The following PDE4D variants were observed in gnomAD, a reference collection of about 807,000 sequenced individuals.
PDE4D encodes the protein 3',5'-cyclic-AMP phosphodiesterase 4D.
In PDE4D, 24 loss-of-function variants were observed where a neutral mutation model predicts 87.4. That is an observed-to-expected ratio of 0.27 (90% CI 0.20 to 0.39). PDE4D has a LOEUF of 0.39. Ranked by LOEUF, PDE4D falls within the 10% of genes least tolerant of loss-of-function variation. PDE4D has a pLI of 1.00. For synonymous variants in PDE4D, 384 were observed against 383.2 expected (o/e 1.00, Z -0.02); for missense variants, 714 against 1,041.0 (o/e 0.69, Z 4.32).
intron 1 of PDE4D, among the ~76,000 whole-genome samples, chr5:59,326,337 C>T (rs1230604373): frequency 3.3e-5 from 5 of 151,890 alleles, no homozygotes; most frequent in Non-Finnish European, 7.4e-5. Flanking sequence ...TACAATCAAA[C>T]TTAAAAATAT....
At chr5:60,310,435 T>A (rs1754910066) in intron 1 of PDE4D, among the ~76,000 whole-genome samples, 1 of 152,090 alleles carries the variant, frequency 6.6e-6, no homozygotes, top group Non-Finnish European at 1.5e-5. Context: ...GAAGGGAAGG[T>A]TTAAAAAATG....
intron 1 of PDE4D, among the ~76,000 whole-genome samples, chr5:59,269,768 T>A (rs1345734757): frequency 1.3e-5 from 2 of 152,060 alleles, no homozygotes; most frequent in Non-Finnish European, 2.9e-5. Context: ...TCTATGTTTT[T>A]AAAAATTATA....
intron 13 of PDE4D, among the ~76,000 whole-genome samples, 171 bp from the exon 14 acceptor site, chr5:58,976,010 T>C (rs1436986192): frequency 6.6e-6 from 1 of 152,200 alleles, no homozygotes; most frequent in Non-Finnish European, 1.5e-5. Context: ...TTCACACTTG[T>C]ATTAATAGTT....
chr5:59,703,243 A>G (rs896037576), intron 1 of PDE4D, among the ~76,000 whole-genome samples: 5 of 152,214 alleles, frequency 3.3e-5, no homozygotes, highest in African/African-American at 1.2e-4. Context: ...TATAAACTAC[A>G]AAGAATTGTC....
intron 12 of PDE4D, 52 bp from the exon 13 acceptor site, chr5:58,976,524 G>T (rs951281077): frequency 3.0e-6 from 4 of 1,343,440 alleles, no homozygotes; most frequent in Non-Finnish European, 4.1e-6. Flanking sequence ...ATTTACACAT[G>T]AAAATATTAC....
rs58830206 is a variant in PDE4D, at chr5:59,074,149, C to A, written c.809-35178G>T. On this transcript the variant is annotated intron_variant, in intron 5 of 14. Coordinates refer to ENST00000340635, the MANE Select transcript of PDE4D (RefSeq NM_001104631.2). ...ATTCTGTCACACATAATTCAAGGAACGTTTGTTAATAACTTCATACTATTA... is the reference window on the plus strand; with the variant it reads ...ATTCTGTCACACATAATTCAAGGAAAGTTTGTTAATAACTTCATACTATTA... Among the ~76,000 whole-genome samples the A allele has an allele frequency of 2.7e-3, 410 of 152,146 alleles. 3 individuals are homozygous for A. The East Asian group carries it at 0.044, about 16-fold the overall frequency.
rs182342732 is a variant in PDE4D, at chr5:59,608,386, C to T, written c.455+284782G>A. Reference sequence around the variant, plus strand: ...ATTTGCTGTGTATTATGTCTGCTAACATTTCAAGTATAACAACCACCTAAA... The same window carrying T: ...ATTTGCTGTGTATTATGTCTGCTAATATTTCAAGTATAACAACCACCTAAA... On this transcript the variant is annotated intron_variant, in intron 1 of 14. Transcript: ENST00000340635. Among the ~76,000 whole-genome samples the T allele has an allele frequency of 1.7e-3, 262 of 152,250 alleles. 1 individual carries two copies. The highest frequency in any genetic ancestry group is 2.8e-3 in the Non-Finnish European group (190 of 68,008).
chr5:59,454,497 C>T (rs1404697085), intron 1 of PDE4D, among the ~76,000 whole-genome samples: 3 of 152,194 alleles, frequency 2.0e-5, no homozygotes, highest in African/African-American at 7.2e-5. Context: ...GATTGTGAGG[C>T]CTCCCCAGCC....
At chr5:60,376,622 G>T (rs1761454183) in intron 1 of PDE4D, among the ~76,000 whole-genome samples, 1 of 152,148 alleles carries the variant, frequency 6.6e-6, no homozygotes, top group Non-Finnish European at 1.5e-5. Context: ...CAAGACACTT[G>T]CCTGTGGTTG....
At chr5:60,440,502 T>C (rs1745120367) in intron 1 of PDE4D, among the ~76,000 whole-genome samples, 1 of 152,062 alleles carries the variant, frequency 6.6e-6, no homozygotes. Flanking sequence ...CCTGGTATGA[T>C]AGGTGAAGGA....
rs1243567752 is a variant in PDE4D at position 59,185,281 on chromosome 5, C to A, written c.685-19G>T. 2 of 1,574,696 alleles carry A rather than the reference C, an allele frequency of 1.3e-6. No homozygotes were observed. Among genetic ancestry groups the A allele is most frequent in the Non-Finnish European group, 1.7e-6 (2 of 1,152,406 alleles). On this transcript the variant is annotated intron_variant, in intron 3 of 14. Coordinates refer to ENST00000340635, the MANE Select transcript of PDE4D (RefSeq NM_001104631.2). ...CCAAGACCTACAACAAGAAAGGATT[C>A]TTGAAACTTCTTGAGCTAAGGCCAT...
At chr5:60,199,365 T>C (rs1438513947) in intron 1 of PDE4D, among the ~76,000 whole-genome samples, 1 of 151,770 alleles carries the variant, frequency 6.6e-6, no homozygotes, top group Non-Finnish European at 1.5e-5. Flanking sequence ...TGCTGAATCA[T>C]TGCCATTTGT....
At chr5:59,158,353 G>A (rs1019291642) in intron 5 of PDE4D, among the ~76,000 whole-genome samples, 1 of 152,172 alleles carries the variant, frequency 6.6e-6, no homozygotes, top group Admixed American at 6.5e-5. Context: ...TCAGCTCTGA[G>A]TCACTTATAC....
At chr5:59,089,666 C>T (rs1190135647) in intron 5 of PDE4D, among the ~76,000 whole-genome samples, 1 of 152,044 alleles carries the variant, frequency 6.6e-6, no homozygotes, top group East Asian at 1.9e-4. Flanking sequence ...TATTATGCTG[C>T]CTATAAAAGG....
intron 1 of PDE4D, among the ~76,000 whole-genome samples, chr5:60,364,794 C>T (rs1035340529): frequency 2.6e-5 from 4 of 152,122 alleles, no homozygotes; most frequent in Non-Finnish European, 5.9e-5. Flanking sequence ...GATTAATGTG[C>T]CTAAAAGATT....
chr5:59,754,858 A>G (rs1047059794), intron 1 of PDE4D, among the ~76,000 whole-genome samples: 3 of 136,880 alleles, frequency 2.2e-5, no homozygotes, highest in Non-Finnish European at 4.5e-5. Context: ...AGAACTTAAT[A>G]ATTACAGTGT....
intron 2 of PDE4D, among the ~76,000 whole-genome samples, chr5:60,120,613 G>A (rs1408798804): frequency 6.6e-6 from 1 of 152,172 alleles, no homozygotes; most frequent in Non-Finnish European, 1.5e-5. Flanking sequence ...GCTGGGTTTT[G>A]AGGTTTGGTT....
At chr5:60,038,026 A>C (rs1283211243) in intron 2 of PDE4D, among the ~76,000 whole-genome samples, 1 of 152,076 alleles carries the variant, frequency 6.6e-6, no homozygotes, top group Admixed American at 6.5e-5. Flanking sequence ...AAATCCATTA[A>C]AAAATATAGA....
intron 3 of PDE4D, among the ~76,000 whole-genome samples, chr5:59,186,116 T>G (rs1448233920): frequency 6.6e-6 from 1 of 152,144 alleles, no homozygotes; most frequent in East Asian, 1.9e-4. Flanking sequence ...AAACCCATAT[T>G]AGATGGGATT....
Sources: gnomAD v4.1 joint callset for allele counts (sites outside exome capture counted in the v4.1 genomes callset) on GRCh38, gnomAD v4.1.1 for gene constraint, MANE v1.5 for transcripts, NCBI Gene and HGNC (gene_info 2026-07-23, HGNC 2026-07-21) for gene names.